The following EXTL3 variants were observed in gnomAD, a reference collection of about 807,000 sequenced individuals.
EXTL3 encodes exostosin like glycosyltransferase 3.
Under a neutral mutation model 69.3 loss-of-function variants are expected in EXTL3, and 27 were observed. The ratio of observed to expected loss-of-function variants is 0.39; its 90% CI spans 0.29 to 0.54. The LOEUF is 0.54. EXTL3 is among the 20% of genes least tolerant of loss of function. EXTL3 has a pLI of 0.69. For synonymous variants in EXTL3, 511 were observed against 499.4 expected, an observed-to-expected ratio of 1.02 and a Z score of -0.31; for missense variants, 1,003 against 1,231.8, an observed-to-expected ratio of 0.81 and a Z score of 2.78.
intron 1 of EXTL3, among the ~76,000 whole-genome samples, chr8:28,695,903 C>T (rs1800677815): frequency 6.6e-6 from 1 of 152,144 alleles, no homozygotes; most frequent in Non-Finnish European, 1.5e-5. Flanking sequence ...AGGTGTCTTA[C>T]TTTGAGTGCC....
At chr8:28,642,124 C>T (rs906039271) in intron 1 of EXTL3, among the ~76,000 whole-genome samples, 14 of 152,122 alleles carry the variant, frequency 9.2e-5, no homozygotes, top group African/African-American at 2.4e-4. Flanking sequence ...CGTGAGCCAC[C>T]GTGCCCGGCC....
At chr8:28,657,086 C>T (rs1326512054) in intron 1 of EXTL3, among the ~76,000 whole-genome samples, 1 of 152,030 alleles carries the variant, frequency 6.6e-6, no homozygotes, top group Non-Finnish European at 1.5e-5. Flanking sequence ...CGCCCACCAC[C>T]ACCACCACAC....
intron 2 of EXTL3, among the ~76,000 whole-genome samples, chr8:28,714,185 T>G (rs1351809313): frequency 6.6e-6 from 1 of 152,106 alleles, no homozygotes; most frequent in Non-Finnish European, 1.5e-5. Context: ...GGATTACAGG[T>G]GTGAGCCACC....
At chr8:28,734,890 A>G (rs939585033) in intron 4 of EXTL3, among the ~76,000 whole-genome samples, 6 of 152,248 alleles carry the variant, frequency 3.9e-5, no homozygotes, top group African/African-American at 1.2e-4. Context: ...AGATGCTCAG[A>G]TAAAAGGAGC....
intron 1 of EXTL3, among the ~76,000 whole-genome samples, chr8:28,633,262 T>C (rs1168123004): frequency 6.6e-6 from 1 of 152,050 alleles, no homozygotes; most frequent in Admixed American, 6.6e-5. Context: ...CACTGGAGGC[T>C]GCGAGGTTGA....
chr8:28,682,370 C>A (rs892012400), intron 1 of EXTL3, among the ~76,000 whole-genome samples: 1 of 152,152 alleles, frequency 6.6e-6, no homozygotes, highest in African/African-American at 2.4e-5. Flanking sequence ...GTATGGTTTG[C>A]AAATATTTTC....
chr8:28,746,425 T>C (rs1259941593), intron 6 of EXTL3, among the ~76,000 whole-genome samples: 1 of 152,176 alleles, frequency 6.6e-6, no homozygotes, highest in Non-Finnish European at 1.5e-5. Flanking sequence ...CTTGGTTCTC[T>C]GGGGTGATAT....
At chr8:28,661,565 T>C (rs1807116090) in intron 1 of EXTL3, among the ~76,000 whole-genome samples, 1 of 152,002 alleles carries the variant, frequency 6.6e-6, no homozygotes, top group South Asian at 2.1e-4. Context: ...TGTATTGATA[T>C]TAAGGCTGTA....
chr8:28,657,573 G>T (rs1807031396), intron 1 of EXTL3, among the ~76,000 whole-genome samples: 1 of 151,924 alleles, frequency 6.6e-6, no homozygotes, highest in Admixed American at 6.6e-5. Context: ...TATCCTTCAA[G>T]GTTTCTGGAC....
intron 1 of EXTL3, among the ~76,000 whole-genome samples, chr8:28,628,907 G>A (rs1365454028): frequency 1.3e-5 from 2 of 152,132 alleles, no homozygotes; most frequent in South Asian, 4.1e-4. Flanking sequence ...AGGAAGACTA[G>A]GAAATGCAAC....
intron 1 of EXTL3, among the ~76,000 whole-genome samples, chr8:28,647,980 G>A (rs564613385): frequency 6.6e-6 from 1 of 151,298 alleles, no homozygotes; most frequent in Non-Finnish European, 1.5e-5. Flanking sequence ...GGTGGGAGAC[G>A]ATCAGTGGAG....
In EXTL3 at chr8:28,716,527, C is replaced by T. The variant is rs776674775; in HGVS notation, c.468C>T (p.Pro156=). ...MAQNQPKLSL[P]IRLLPEKDDA... is the part of the protein sequence containing the mutation. ...AGAACCAGCCCAAGCTGTCCCTGCCCATCCGACTGCTCCCAGAGAAGGACG... is the reference window on the plus strand; with the variant it reads ...AGAACCAGCCCAAGCTGTCCCTGCCTATCCGACTGCTCCCAGAGAAGGACG... Residue 156 remains proline, a synonymous_variant, in exon 3 of 7, where the codon CCC becomes CCT. Coordinates refer to ENST00000220562, the MANE Select transcript of EXTL3 (RefSeq NM_001440.4). The surrounding 1 kb of genome is among the most constrained non-coding windows in gnomAD (Gnocchi z 7.1). The T allele has an allele frequency of 1.9e-6, 3 of 1,614,122 alleles. No homozygotes were observed. The highest frequency in any genetic ancestry group is 2.5e-6 in the Non-Finnish European group (3 of 1,180,048).
At chr8:28,668,704 G>T (rs1324825887) in intron 1 of EXTL3, among the ~76,000 whole-genome samples, 1 of 151,786 alleles carries the variant, frequency 6.6e-6, no homozygotes, top group African/African-American at 2.4e-5. Context: ...ACATTTTATT[G>T]ATCCAGACTC....
chr8:28,625,934 G>A (rs1158157674), intron 1 of EXTL3, among the ~76,000 whole-genome samples: 23 of 149,578 alleles, frequency 1.5e-4, no homozygotes. Flanking sequence ...GCCAAGGTGG[G>A]AGGATTGCTT....
At chr8:28,748,596 G>T (rs979235740) in intron 6 of EXTL3, among the ~76,000 whole-genome samples, 1 of 152,182 alleles carries the variant, frequency 6.6e-6, no homozygotes, top group Non-Finnish European at 1.5e-5. Flanking sequence ...TCTCACCTTA[G>T]TTGTCTAGAG....
chr8:28,720,551 ATAAT>A (rs1191493325), intron 3 of EXTL3, among the ~76,000 whole-genome samples: 1 of 152,198 alleles, frequency 6.6e-6, no homozygotes, highest in African/African-American at 2.4e-5. Context: ...ATTCTTTTAA[ATAAT>A]TATTTGCATA....
intron 1 of EXTL3, among the ~76,000 whole-genome samples, chr8:28,711,415 A>G (rs1441500530): frequency 1.3e-5 from 2 of 152,082 alleles, no homozygotes; most frequent in African/African-American, 4.8e-5. Context: ...GCAAGAATTT[A>G]TGCATAAATT....
At chr8:28,723,117 A>C (rs970483082) in intron 3 of EXTL3, among the ~76,000 whole-genome samples, 2 of 152,106 alleles carry the variant, frequency 1.3e-5, no homozygotes, top group Admixed American at 6.6e-5. Context: ...GGTAAGCTGT[A>C]TTTTTTTATT....
intron 4 of EXTL3, among the ~76,000 whole-genome samples, chr8:28,733,922 A>G (rs1258706772): frequency 2.7e-5 from 4 of 148,168 alleles, no homozygotes; most frequent in Non-Finnish European, 4.5e-5. Flanking sequence ...AGTTCACGCC[A>G]TTCTCCTGCC....
Sources: allele counts gnomAD v4.1 joint callset (sites outside exome capture counted in the v4.1 genomes callset), GRCh38; gene constraint gnomAD v4.1.1; non-coding constraint Gnocchi (gnomAD v3.1); transcripts MANE v1.5; gene names NCBI Gene and HGNC (gene_info 2026-07-23, HGNC 2026-07-21).